Variants in RAPGEFL1 observed in about 807,000 individuals in gnomAD.
RAPGEFL1 encodes rap guanine nucleotide exchange factor-like 1.
In RAPGEFL1, 31 loss-of-function variants were observed where a neutral mutation model predicts 64.4. That is an observed-to-expected ratio of 0.48 (90% CI 0.36 to 0.65). The LOEUF is 0.65. Ranked by LOEUF, RAPGEFL1 falls within the 30% of genes least tolerant of loss-of-function variation. The pLI is 0.00. For synonymous variants in RAPGEFL1, 331 were observed against 274.1 expected (o/e 1.21, Z -2.05); for missense variants, 682 against 677.4 (o/e 1.01, Z -0.08).
At position 40,189,986 on chromosome 17, in the gene RAPGEFL1, T is replaced by A. The variant is rs138804846; in HGVS notation, c.1115-448T>A. 4.0e-4 allele frequency among the ~76,000 whole-genome samples: 60 copies of A among 151,352 alleles called. 1 individual carries two copies. In the East Asian group the frequency reaches 9.3e-3, roughly 24 times the overall value. The stretch of plus-strand genomic sequence containing the variant: ...AAAAAAAAAGTTTGGGAGGCACTGG[T>A]CTAGGACTCAGGTTCTGATCTGAGT... On this transcript the variant is annotated intron_variant, in intron 6 of 14. Transcript: ENST00000620260.
rs554750533 is a variant in RAPGEFL1 at position 40,186,667 on chromosome 17, G to T, written c.833+1989G>T. Among the ~76,000 whole-genome samples the T allele has an allele frequency of 1.2e-3, 182 of 149,652 alleles. 1 individual carries two copies. The highest frequency in any genetic ancestry group is 3.3e-3 in the African/African-American group (134 of 40,822). On this transcript the variant is annotated intron_variant, in intron 4 of 14. Transcript: ENST00000620260. ...AATCCCAGCACTTTGGGAGGCCGAG[G>T]CAGGCAGAATGAGGTCAAGAGATCG...
intron 4 of RAPGEFL1, among the ~76,000 whole-genome samples, chr17:40,186,761 G>A (rs1392259339): frequency 1.3e-5 from 2 of 151,188 alleles, no homozygotes; most frequent in African/African-American, 4.9e-5. Context: ...GGGCGTGGTG[G>A]TACACACCTG....
chr17:40,178,216 C>G lies in RAPGEFL1; in HGVS notation c.355C>G (p.Pro119Ala), dbSNP rs1034804333. ...PGPGPLGGGG[P>A]LRSPSSYSSD... ...GCCCGGGCCTCTCGGGGGAGGGGGG[C>G]CCCTGCGCTCCCCTTCCTCCTACTC... is the stretch of plus-strand genomic sequence containing the variant. The change falls in exon 1 of 15, where the codon CCC becomes GCC. Residue 119 changes from proline (P) to alanine (A), a missense_variant. Coordinates refer to ENST00000620260, the MANE Select transcript of RAPGEFL1 (RefSeq NM_016339.6). 6.9e-6 allele frequency: 4 copies of G among 581,908 alleles called. No homozygotes were observed. In the East Asian group the frequency reaches 1.4e-4, roughly 20 times the overall value. 36.0% of individuals were successfully genotyped at this position (581,908 alleles called of 1,614,324 possible). A position where few individuals can be genotyped will look rare whatever the true frequency, so the allele number is the denominator to read the frequency against.
Position 40,191,384 on chromosome 17 carries a change from G to C in RAPGEFL1, c.1404G>C (p.Leu468=). ...GGGAGACGGCCAACTTGGAGCTGCT[G>C]CTGCAGCGCTGCAGCGAGGTCACGC... The part of the protein sequence containing the change: ...GRRETANLEL[L]LQRCSEVTHW... Residue 468 remains leucine, a synonymous_variant, in exon 9 of 15, where the codon CTG becomes CTC. Coordinates refer to ENST00000620260, the MANE Select transcript of RAPGEFL1 (RefSeq NM_016339.6). This position sits in a 1 kb window ranked among gnomAD's most constrained non-coding sequence, Gnocchi z 5.1. 1 of 1,598,592 alleles carries C rather than the reference G, an allele frequency of 6.3e-7. No homozygotes were observed. The highest frequency in any genetic ancestry group is 8.5e-7 in the Non-Finnish European group (1 of 1,177,202).
Position 40,191,307 on chromosome 17 carries a change from T to C in RAPGEFL1, c.1336-9T>C. ...CGCCCTGGCCGCCCCTCCGCTGCCG[T>C]GGGTGCAGCTGGAGTTCGTGGACTA... On this transcript the variant is annotated splice_polypyrimidine_tract_variant and intron_variant, in intron 8 of 14. Coordinates refer to ENST00000620260, the MANE Select transcript of RAPGEFL1 (RefSeq NM_016339.6). This position sits in a 1 kb window ranked among gnomAD's most constrained non-coding sequence, Gnocchi z 5.1. 1 of 1,558,690 alleles carries C rather than the reference T, an allele frequency of 6.4e-7. No individual in the cohort carries two copies. The highest frequency in any genetic ancestry group is 2.4e-5 in the East Asian group (1 of 42,184).
At position 40,195,260 on chromosome 17, in the gene RAPGEFL1, A is replaced by G. The variant is rs1002300555; in HGVS notation, c.*1472A>G. 3.3e-5 allele frequency: 5 copies of G among 152,536 alleles called. No individual in the cohort carries two copies. Among genetic ancestry groups the G allele is most frequent in the African/African-American group, 1.2e-4 (5 of 41,444 alleles). 9.4% of individuals were successfully genotyped at this position (152,536 alleles called of 1,614,324 possible). A position where few individuals can be genotyped will look rare whatever the true frequency, so the allele number is the denominator to read the frequency against. ...ATACAGTGATCTGTCTTGTTCCTGC[A>G]GCAAAAATCCTCTATGGACATAGGA... On this transcript the variant is annotated 3_prime_UTR_variant, in exon 15 of 15. Transcript: ENST00000620260.
In RAPGEFL1 at chr17:40,189,231, G is replaced by C; in HGVS notation, c.970G>C (p.Asp324His). ...DEIFCRVYMP[D>H]HSYVTIRSRL... ...AGTCTTCTGCCGTGTATACATGCCT[G>C]ACCACTCTTATGTGACCATACGCAG... Residue 324 changes from aspartate (D) to histidine (H), a missense_variant, in exon 6 of 15, where the codon GAC (aspartate) becomes CAC (histidine). Coordinates refer to ENST00000620260, the MANE Select transcript of RAPGEFL1 (RefSeq NM_016339.6). 6.2e-7 allele frequency: 1 copy of C among 1,614,114 alleles called. No homozygotes were observed.
chr17:40,184,452 G>T, intron 3 of RAPGEFL1, 103 bp downstream of exon 3: 2 of 1,230,450 alleles, frequency 1.6e-6, no homozygotes, highest in Non-Finnish European at 2.3e-6. Context: ...GGAAGGAAGA[G>T]ATGCCAGGGG....
At chr17:40,183,631 T>G (rs1475329999) in intron 2 of RAPGEFL1, among the ~76,000 whole-genome samples, 1 of 150,536 alleles carries the variant, frequency 6.6e-6, no homozygotes, top group Non-Finnish European at 1.5e-5. Context: ...GTGATTATCT[T>G]GCCTCAGCCT....
chr17:40,177,189 A>G, upstream of RAPGEFL1: 2 of 702,638 alleles, frequency 2.8e-6, no homozygotes, highest in Non-Finnish European at 5.2e-6. Flanking sequence ...GTACACAGGT[A>G]GGTGAGTGAA....
intron 4 of RAPGEFL1, 40 bp downstream of exon 4, chr17:40,184,718 TC>T (rs1990009954): frequency 1.6e-6 from 2 of 1,245,730 alleles, no homozygotes; most frequent in African/African-American, 1.5e-5. Context: ...AGGAAAGTGG[TC>T]CCCTGCGTTC....
rs375868294 is a variant in RAPGEFL1 at position 40,190,671 on chromosome 17, C to T, written c.1244C>T (p.Pro415Leu). ...VPLPEEIQVSPGDTEIHRVEP... is the reference protein window; with the variant it reads ...VPLPEEIQVSLGDTEIHRVEP... Reference sequence around the variant, plus strand: ...CTCCCCGAGGAGATCCAGGTCTCCCCTGGAGACACAGAGATCCACCGAGTG... The same window carrying T: ...CTCCCCGAGGAGATCCAGGTCTCCCTTGGAGACACAGAGATCCACCGAGTG... The change falls in exon 8 of 15, where the codon CCT (proline) becomes CTT (leucine). Residue 415 changes from proline to leucine, a missense_variant. Pro to Leu is a moderately conservative substitution (Grantham distance 98). Around this residue, in one of 2 missense-constraint regions of RAPGEFL1, gnomAD observed 411 missense variants for 519.4 expected, o/e 0.79. Coordinates refer to ENST00000620260, the MANE Select transcript of RAPGEFL1 (RefSeq NM_016339.6). The T allele has an allele frequency of 1.9e-6, 3 of 1,614,164 alleles. No homozygotes were observed. The highest frequency in any genetic ancestry group is 1.6e-4 in the Middle Eastern group (1 of 6,062).
chr17:40,189,080 C>A lies in RAPGEFL1; in HGVS notation c.946+102C>A. 2.7e-6 allele frequency: 4 copies of A among 1,465,100 alleles called. No individual in the cohort carries two copies. In the Admixed American group the frequency reaches 5.1e-5, roughly 19 times the overall value. 90.8% of individuals were successfully genotyped at this position (1,465,100 alleles called of 1,614,324 possible). ...AGTGGCATCTCCCTGGGTGGTAGAA[C>A]CAGCCCCTTTCACAGGACCTTCTTC... On this transcript the variant is annotated intron_variant, in intron 5 of 14. Transcript: ENST00000620260.
At chr17:40,177,111 C>T (rs760862573), upstream of RAPGEFL1, 1 of 702,592 alleles carries the variant, frequency 1.4e-6, no homozygotes, top group South Asian at 1.5e-5. Flanking sequence ...AAGATAAACT[C>T]CACATATTTC....
chr17:40,183,664 T>G lies in RAPGEFL1; in HGVS notation c.600-550T>G, dbSNP rs1034094411. On this transcript the variant is annotated intron_variant, in intron 2 of 14. Transcript: ENST00000620260. ...CCTCCCGAGTAGCTGGGATTACAGG[T>G]GTACGCCACCACTCCCAGCTAATTT... 2.0e-5 allele frequency among the ~76,000 whole-genome samples: 3 copies of G among 149,204 alleles called. No individual in the cohort carries two copies. In the Admixed American group the frequency reaches 2.0e-4, roughly 10 times the overall value.
rs1598446324 is a variant in RAPGEFL1 at position 40,191,684 on chromosome 17, C to G, written c.1605+12C>G. 1.2e-6 allele frequency: 2 copies of G among 1,604,042 alleles called. No homozygotes were observed. The highest frequency in any genetic ancestry group is 3.4e-5 in the Admixed American group (2 of 58,564). ...GACTCACCTGGGAGGTGATGAGACC[C>G]CTCCCGTTCCTACCTGGGAATCTGG... On this transcript the variant is annotated intron_variant, in intron 10 of 14. Transcript: ENST00000620260. The surrounding 1 kb of genome is among the most constrained non-coding windows in gnomAD (Gnocchi z 5.1).
chr17:40,189,075 T>C, intron 5 of RAPGEFL1, 97 bp downstream of exon 5: 7 of 1,466,942 alleles, frequency 4.8e-6, no homozygotes, highest in Non-Finnish European at 5.7e-6. Context: ...CCCTGGGTGG[T>C]AGAACCAGCC....
intron 4 of RAPGEFL1, among the ~76,000 whole-genome samples, chr17:40,185,222 A>G (rs993561425): frequency 1.3e-5 from 2 of 152,194 alleles, no homozygotes; most frequent in Non-Finnish European, 2.9e-5. Flanking sequence ...GTGCTGCAGG[A>G]GAAAGAGCCC....
At chr17:40,190,976 A>G in intron 8 of RAPGEFL1, 1 of 650,270 alleles carries the variant, frequency 1.5e-6, no homozygotes, top group Non-Finnish European at 2.6e-6. Context: ...CTGTTTACAC[A>G]GAACCTGACC....
Sources: gnomAD v4.1 joint callset for allele counts (sites outside exome capture counted in the v4.1 genomes callset) on GRCh38, gnomAD v4.1.1 for gene constraint, gnomAD v4.1.1 regional missense constraint, Gnocchi (gnomAD v3.1) non-coding constraint, MANE v1.5 for transcripts, NCBI Gene and HGNC (gene_info 2026-07-23, HGNC 2026-07-21) for gene names.